VEGFA: variants seen among roughly 807,000 people sequenced by gnomAD.
VEGFA encodes the protein vascular endothelial growth factor A, long form.
Under a neutral mutation model 49.7 loss-of-function variants are expected in VEGFA, and 20 were observed. The ratio of observed to expected loss-of-function variants is 0.40; its 90% confidence interval spans 0.28 to 0.58. The LOEUF (loss-of-function observed/expected upper bound fraction) is 0.58. VEGFA is among the 20% of genes least tolerant of loss of function. VEGFA has a pLI of 0.40. For synonymous variants in VEGFA, 219 were observed against 223.4 expected (o/e 0.98, Z 0.18); for missense variants, 505 against 553.5 (o/e 0.91, Z 0.88).
chr6:43,784,787 G>GGTGACCCAGCACGGTCCC lies in VEGFA; in HGVS notation c.*226_*243dup. 2 of 765,292 alleles carry GGTGACCCAGCACGGTCCC rather than the reference G, an allele frequency of 2.6e-6. No homozygotes were observed. The highest frequency in any genetic ancestry group is 3.0e-5 in the South Asian group (2 of 67,618). 47.4% of individuals were successfully genotyped at this position (765,292 alleles called of 1,614,324 possible). A position where few individuals can be genotyped will look rare whatever the true frequency, so the allele number is the denominator to read the frequency against. On this transcript the variant is annotated 3_prime_UTR_variant, in exon 8 of 8. Coordinates refer to ENST00000672860, the MANE Select transcript of VEGFA (RefSeq NM_003376.6). ...ACTCCGGCGGAAGCATTCCCGGGCGGGTGACCCAGCACGGTCCCTCTTGGA... is the reference window on the plus strand; with the variant it reads ...ACTCCGGCGGAAGCATTCCCGGGCGGGTGACCCAGCACGGTCCCGTGACCCAGCACGGTCCCTCTTGGA...
In VEGFA at chr6:43,770,703, C is replaced by A. The variant is rs1318153515; in HGVS notation, c.-4C>A. ...CCTTGGGATCCCGCAGCTGACCAGT[C>A]GCGCTGACGGACAGACAGACAGACA... On this transcript the variant is annotated 5_prime_UTR_variant, in exon 1 of 8. Transcript: ENST00000672860. The A allele has an allele frequency of 3.9e-6, 6 of 1,548,616 alleles. No homozygotes were observed. In the Middle Eastern group the frequency reaches 6.8e-4, roughly 175 times the overall value.
At chr6:43,775,320 C>CG (rs1366628020) in intron 2 of VEGFA, 2 of 125,812 alleles carry the variant, frequency 1.6e-5, no homozygotes, top group African/African-American at 7.3e-5. Flanking sequence ...AGAGGCAGGA[C>CG]AAAGGTCTTT....
chr6:43,781,546 G>GA, intron 6 of VEGFA: 1 of 314,502 alleles, frequency 3.2e-6, no homozygotes, highest in South Asian at 2.8e-5. Flanking sequence ...CTTGGTGGAA[G>GA]GGCCTGGACA....
rs753863331 is a variant in VEGFA, at chr6:43,778,921, A to G, written c.962+3A>G. On this transcript the variant is annotated splice_donor_region_variant and intron_variant, in intron 5 of 7. Transcript: ENST00000672860. ...AAAGATAGAGCAAGACAAGAAAAGTAAGTGGCCCTGACTTTAGCACTTCTC... is the reference window on the plus strand; with the variant it reads ...AAAGATAGAGCAAGACAAGAAAAGTGAGTGGCCCTGACTTTAGCACTTCTC... 2.0e-5 allele frequency: 32 copies of G among 1,614,078 alleles called. No individual in the cohort carries two copies. The highest frequency in any genetic ancestry group is 2.6e-5 in the Non-Finnish European group (31 of 1,180,050).
intron 6 of VEGFA, 102 bp downstream of exon 6, chr6:43,780,905 C>T (rs887196728): frequency 1.4e-5 from 23 of 1,609,948 alleles, no homozygotes; most frequent in Non-Finnish European, 2.0e-5. Flanking sequence ...TCCCCTGGTC[C>T]TTCCCTGGCT....
intron 1 of VEGFA, among the ~76,000 whole-genome samples, chr6:43,771,687 G>A (rs933824552): frequency 3.9e-5 from 6 of 152,214 alleles, no homozygotes; most frequent in Admixed American, 3.3e-4. Context: ...TCTGAGCAGC[G>A]GGGGCGGGAG....
intron 5 of VEGFA, chr6:43,779,633 C>CTAGTG (rs1766677732): frequency 7.2e-5 from 33 of 458,898 alleles, no homozygotes; most frequent in South Asian, 5.0e-4. Context: ...TTGTCTGCCT[C>CTAGTG]CAGTGCTGTG....
chr6:43,779,048 T>G, intron 5 of VEGFA, 130 bp downstream of exon 5: 1 of 1,240,320 alleles, frequency 8.1e-7, no homozygotes, highest in Non-Finnish European at 1.2e-6. Flanking sequence ...GGGGGACTTG[T>G]GGTGGCAGCA....
chr6:43,780,900 T>C, intron 6 of VEGFA, 97 bp downstream of exon 6: 1 of 1,610,310 alleles, frequency 6.2e-7, no homozygotes, highest in Non-Finnish European at 8.5e-7. Flanking sequence ...CTCCCTCCCC[T>C]GGTCCTTCCC....
intron 2 of VEGFA, 54 bp downstream of exon 2, chr6:43,774,446 G>A: frequency 6.3e-7 from 1 of 1,595,292 alleles, no homozygotes; most frequent in South Asian, 1.1e-5. Flanking sequence ...GGGATGGGTG[G>A]ATGGCCTAAT....
Position 43,770,801 on chromosome 6 carries a change from A to G in VEGFA, c.95A>G (p.Gln32Arg), listed in dbSNP as rs2127995654. 6.7e-7 allele frequency: 1 copy of G among 1,497,454 alleles called. No homozygotes were observed. The highest frequency in any genetic ancestry group is 8.9e-7 in the Non-Finnish European group (1 of 1,125,782). The allele number at this position is 1,497,454 out of a possible 1,614,324, so 92.8% of individuals were successfully genotyped here. The change falls in exon 1 of 8, where the codon CAG becomes CGG. Residue 32 changes from glutamine (Q) to arginine (R), a missense_variant. This residue lies in a region of VEGFA where 340 missense variants were observed against 321.8 expected (regional missense o/e 1.06). Coordinates refer to ENST00000672860, the MANE Select transcript of VEGFA (RefSeq NM_003376.6). Reference sequence around the variant, plus strand: ...GTGGACGCGGCGGCGAGCCGCGGGCAGGGGCCGGAGCCCGCGCCCGGAGGC... The same window carrying G: ...GTGGACGCGGCGGCGAGCCGCGGGCGGGGGCCGGAGCCCGCGCCCGGAGGC...
chr6:43,775,089 G>A (rs1764933365), intron 2 of VEGFA: 1 of 154,392 alleles, frequency 6.5e-6, no homozygotes, highest in African/African-American at 2.4e-5. Flanking sequence ...CTCTGGGGAG[G>A]GAAGGCCCTG....
chr6:43,779,688 C>T (rs904212576), intron 5 of VEGFA: 2 of 469,810 alleles, frequency 4.3e-6, no homozygotes, highest in Admixed American at 2.2e-5. Context: ...TGCCTCTTCC[C>T]TCAGCTCCCA....
intron 1 of VEGFA, 27 bp from the exon 2 acceptor site, chr6:43,774,314 C>T (rs1450014667): frequency 2.5e-6 from 4 of 1,613,704 alleles, no homozygotes; most frequent in Non-Finnish European, 3.4e-6. Flanking sequence ...TGCCCATGCC[C>T]ATGCCTTGCT....
rs535725989 is a variant in VEGFA at position 43,770,377 on chromosome 6, T to C, written c.-330T>C. The C allele has an allele frequency of 1.1e-5, 4 of 354,848 alleles. No homozygotes were observed. In the South Asian group the frequency reaches 3.8e-4, roughly 34 times the overall value. 22.0% of individuals were successfully genotyped at this position (354,848 alleles called of 1,614,324 possible). A position where few individuals can be genotyped will look rare whatever the true frequency, so the allele number is the denominator to read the frequency against. On this transcript the variant is annotated 5_prime_UTR_variant, in exon 1 of 8. Transcript: ENST00000672860. ...ATTGATCCGGGTTTTATCCCTCTTC[T>C]TTTTTCTTAAACATTTTTTTTTAAA...
At chr6:43,780,867 C>T (rs2128045811) in intron 6 of VEGFA, 64 bp downstream of exon 6, 1 of 1,613,208 alleles carries the variant, frequency 6.2e-7, no homozygotes, top group Non-Finnish European at 8.5e-7. Flanking sequence ...ACAACCTCCG[C>T]CTGCCATTCC....
chr6:43,777,670 G>A lies in VEGFA; in HGVS notation c.855+5G>A, dbSNP rs777920401. 1 of 1,332,618 alleles carries A rather than the reference G, an allele frequency of 7.5e-7. No individual in the cohort carries two copies. Among genetic ancestry groups the A allele is most frequent in the African/African-American group, 1.5e-5 (1 of 66,134 alleles). The allele number at this position is 1,332,618 out of a possible 1,614,324, so 82.5% of individuals were successfully genotyped here. A position where few individuals can be genotyped will look rare whatever the true frequency, so the allele number is the denominator to read the frequency against. ...GAGTCCAACATCACCATGCAGGTGG[G>A]CATCTTTGGGAAGTGGGGCAAGGGG... is the stretch of plus-strand genomic sequence containing the variant. On this transcript the variant is annotated splice_donor_5th_base_variant and intron_variant, in intron 3 of 7. Coordinates refer to ENST00000672860, the MANE Select transcript of VEGFA (RefSeq NM_003376.6). This position sits in a 1 kb window ranked among gnomAD's most constrained non-coding sequence, Gnocchi z 4.3.
At chr6:43,782,133 A>G (rs1192858004) in intron 7 of VEGFA, 46 bp downstream of exon 7, 1 of 1,608,078 alleles carries the variant, frequency 6.2e-7, no homozygotes, top group South Asian at 1.1e-5. Context: ...CATCACACAG[A>G]GATGGGGAGA....
chr6:43,772,358 G>A (rs1763904302), intron 1 of VEGFA, among the ~76,000 whole-genome samples: 1 of 152,216 alleles, frequency 6.6e-6, no homozygotes. Context: ...GGAGCCCACT[G>A]GGCGCTTTGT....
Sources: gnomAD v4.1 joint callset for allele counts (sites outside exome capture counted in the v4.1 genomes callset) on GRCh38, gnomAD v4.1.1 for gene constraint, gnomAD v4.1.1 regional missense constraint, Gnocchi (gnomAD v3.1) non-coding constraint, MANE v1.5 for transcripts, NCBI Gene and HGNC (gene_info 2026-07-23, HGNC 2026-07-21) for gene names.